MGAT5: variants seen among roughly 807,000 people sequenced by gnomAD.
MGAT5 encodes the protein alpha-1,6-mannosylglycoprotein 6-beta-N-acetylglucosaminyltransferase.
MGAT5 carries 30 observed loss-of-function variants against 94.3 expected under a neutral mutation model. That is an observed-to-expected ratio of 0.32 (90% CI 0.24 to 0.43). The LOEUF (loss-of-function observed/expected upper bound fraction) is 0.43. Among genes scored for constraint, MGAT5 ranks in the 20% least tolerant of loss-of-function variants. The probability of loss-of-function intolerance (pLI) is 1.00; values close to 1 mark genes in which losing one functional copy is unlikely to be tolerated. For synonymous variants in MGAT5, 310 were observed against 322.9 expected, an observed-to-expected ratio of 0.96 and a Z score of 0.43; for missense variants, 691 against 905.5, an observed-to-expected ratio of 0.76 and a Z score of 3.04.
intron 1 of MGAT5, among the ~76,000 whole-genome samples, chr2:134,187,149 G>A (rs1461364925): frequency 1.3e-5 from 2 of 152,200 alleles, no homozygotes; most frequent in Non-Finnish European, 2.9e-5. Flanking sequence ...GCCCGTATAT[G>A]GAAAGCCTTG....
At position 134,362,261 on chromosome 2, in the gene MGAT5, T is replaced by A; in HGVS notation, c.1247-14T>A. Reference sequence around the variant, plus strand: ...TTGGACACTAACTGTCCTCTCCATTTCTTTGCACACCAGCTCATACCCCAG... The same window carrying A: ...TTGGACACTAACTGTCCTCTCCATTACTTTGCACACCAGCTCATACCCCAG... On this transcript the variant is annotated splice_polypyrimidine_tract_variant and intron_variant, in intron 9 of 15. Coordinates refer to ENST00000281923, the MANE Select transcript of MGAT5 (RefSeq NM_002410.5). 1 of 1,612,164 alleles carries A rather than the reference T, an allele frequency of 6.2e-7. No individual in the cohort carries two copies. The highest frequency in any genetic ancestry group is 8.5e-7 in the Non-Finnish European group (1 of 1,179,040).
chr2:134,240,015 G>T lies in MGAT5; in HGVS notation c.-142-14247G>T, dbSNP rs561894869. On this transcript the variant is annotated intron_variant, in intron 1 of 16. Coordinates refer to the MGAT5 transcript ENST00000409645. ...GTGTCGATCTAGTAAAATCCAACTG[G>T]TTGTTCAGATACCTAGATGAATATT... Among the ~76,000 whole-genome samples the T allele has an allele frequency of 7.3e-4, 111 of 152,008 alleles. 3 individuals are homozygous for T. The highest frequency in any genetic ancestry group is 2.3e-3 in the African/African-American group (95 of 41,414).
rs1433375450 is a variant in MGAT5 at position 134,453,491 on chromosome 2, C to T, written c.*4644C>T. 3 of 152,208 alleles carry T rather than the reference C, an allele frequency of 2.0e-5. No homozygotes were observed. Among genetic ancestry groups the T allele is most frequent in the African/African-American group, 7.2e-5 (3 of 41,458 alleles). 9.4% of individuals were successfully genotyped at this position (152,208 alleles called of 1,614,324 possible). Reference sequence around the variant, plus strand: ...AAAATGGGTTCTCTGGCAGACTGCACCCCTTGAGTCAAAGTTAACAGTATT... The same window carrying T: ...AAAATGGGTTCTCTGGCAGACTGCATCCCTTGAGTCAAAGTTAACAGTATT... On this transcript the variant is annotated 3_prime_UTR_variant, in exon 16 of 16. Coordinates refer to ENST00000281923, the MANE Select transcript of MGAT5 (RefSeq NM_002410.5).
intron 1 of MGAT5, among the ~76,000 whole-genome samples, chr2:134,216,142 G>A (rs1039088999): frequency 4.6e-5 from 7 of 152,152 alleles, no homozygotes; most frequent in African/African-American, 1.7e-4. Context: ...ATTATATTCT[G>A]CTCTCACCAT....
chr2:134,297,368 A>G (rs2105804149), intron 2 of MGAT5, among the ~76,000 whole-genome samples: 1 of 151,948 alleles, frequency 6.6e-6, no homozygotes, highest in East Asian at 2.0e-4. Flanking sequence ...CTTCCATGAA[A>G]TATAGAAGGA....
chr2:134,391,839 C>T (rs1682431426), intron 10 of MGAT5, among the ~76,000 whole-genome samples: 1 of 152,220 alleles, frequency 6.6e-6, no homozygotes, highest in African/African-American at 2.4e-5. Flanking sequence ...CACATTATCT[C>T]ATGTGATCCT....
chr2:134,361,696 T>G (rs917550793), intron 9 of MGAT5, among the ~76,000 whole-genome samples: 2 of 152,248 alleles, frequency 1.3e-5, no homozygotes, highest in Admixed American at 1.3e-4. Flanking sequence ...TTATTCTGTC[T>G]TCATTCCATG....
intron 9 of MGAT5, among the ~76,000 whole-genome samples, chr2:134,351,562 T>C (rs553192855): frequency 4.6e-5 from 7 of 152,266 alleles, no homozygotes; most frequent in Admixed American, 4.6e-4. Flanking sequence ...TCTCCATGGA[T>C]GGAGAATTTC....
Position 134,322,925 on chromosome 2 carries a change from T to C in MGAT5, c.573+4186T>C, listed in dbSNP as rs76567664. On this transcript the variant is annotated intron_variant, in intron 4 of 15. Coordinates refer to ENST00000281923, the MANE Select transcript of MGAT5 (RefSeq NM_002410.5). ...TTGAAAGAGCCAGTTCTTGTTTTGA[T>C]CTATGTTTAACATCAGAGCTTTAAC... Among the ~76,000 whole-genome samples the C allele has an allele frequency of 7.9e-3, 1,208 of 152,284 alleles. 14 individuals are homozygous for C. Among genetic ancestry groups the C allele is most frequent in the African/African-American group, 0.028 (1,166 of 41,578 alleles).
At chr2:134,229,619 A>G (rs1431075046) in intron 1 of MGAT5, among the ~76,000 whole-genome samples, 1 of 152,248 alleles carries the variant, frequency 6.6e-6, no homozygotes, top group Admixed American at 6.5e-5. Context: ...TGTTAGAAAG[A>G]TGATTTAAAT....
intron 15 of MGAT5, among the ~76,000 whole-genome samples, chr2:134,442,696 G>A (rs538496306): frequency 9.2e-5 from 14 of 152,100 alleles, no homozygotes; most frequent in Admixed American, 3.9e-4. Context: ...CCAAATTTCC[G>A]TGTGAGGTTT....
chr2:134,428,335 C>T, intron 13 of MGAT5, 30 bp from the exon 14 acceptor site: 1 of 1,606,336 alleles, frequency 6.2e-7, no homozygotes, highest in Non-Finnish European at 8.5e-7. Context: ...CTGTCCTTCT[C>T]CTTCATGGTA....
chr2:134,238,188 G>A (rs185286870), intron 1 of MGAT5, among the ~76,000 whole-genome samples: 6 of 152,288 alleles, frequency 3.9e-5, no homozygotes, highest in African/African-American at 1.4e-4. Flanking sequence ...TACAACAGCT[G>A]TACTACCTGG....
At chr2:134,122,400 G>A (rs181365788) in intron 1 of MGAT5, among the ~76,000 whole-genome samples, 44 of 152,158 alleles carry the variant, frequency 2.9e-4, no homozygotes, top group Non-Finnish European at 5.6e-4. Context: ...CACCGTGCCC[G>A]GCCTAGCGCA....
At chr2:134,364,995 G>A (rs1398000926) in intron 10 of MGAT5, among the ~76,000 whole-genome samples, 1 of 152,114 alleles carries the variant, frequency 6.6e-6, no homozygotes, top group South Asian at 2.1e-4. Flanking sequence ...TTTATCAGTC[G>A]TCTTCCCTAT....
At chr2:134,310,060 C>CAT (rs749786703) in intron 2 of MGAT5, among the ~76,000 whole-genome samples, 13 of 152,032 alleles carry the variant, frequency 8.6e-5, no homozygotes, top group Non-Finnish European at 1.8e-4. Context: ...ATAGAGAACC[C>CAT]ATATATATAC....
At chr2:134,294,122 A>G (rs977665610) in intron 2 of MGAT5, among the ~76,000 whole-genome samples, 5 of 152,144 alleles carry the variant, frequency 3.3e-5, no homozygotes, top group African/African-American at 1.2e-4. Flanking sequence ...GAGGAGGCAA[A>G]TGGAGGAGAG....
chr2:134,401,136 G>T (rs1247051148), intron 10 of MGAT5, among the ~76,000 whole-genome samples: 1 of 150,976 alleles, frequency 6.6e-6, no homozygotes, highest in Non-Finnish European at 1.5e-5. Flanking sequence ...GTGATGTTTT[G>T]GTTGTAGTCA....
At chr2:134,130,590 T>C (rs1243608119) in intron 1 of MGAT5, among the ~76,000 whole-genome samples, 1 of 152,030 alleles carries the variant, frequency 6.6e-6, no homozygotes, top group Non-Finnish European at 1.5e-5. Context: ...ACTTTGTATC[T>C]AGCTGATCTG....
Sources: gnomAD v4.1 joint callset for allele counts (sites outside exome capture counted in the v4.1 genomes callset) on GRCh38, gnomAD v4.1.1 for gene constraint, MANE v1.5 for transcripts, NCBI Gene and HGNC (gene_info 2026-07-23, HGNC 2026-07-21) for gene names.